Variants in HFM1 observed in about 807,000 individuals in gnomAD.
HFM1 encodes helicase for meiosis 1, also known as probable ATP-dependent DNA helicase HFM1.
Under a neutral mutation model 192.1 loss-of-function variants are expected in HFM1, and 169 were observed. The observed-to-expected ratio is 0.88, with a 90% CI of 0.78 to 1.00. The LOEUF (loss-of-function observed/expected upper bound fraction) is 1.00. HFM1 is among the 50% of genes least tolerant of loss of function. The pLI is 0.00. For synonymous variants in HFM1, 525 were observed against 537.8 expected, an observed-to-expected ratio of 0.98 and a Z score of 0.33; for missense variants, 1,661 against 1,668.0, an observed-to-expected ratio of 1.00 and a Z score of 0.07.
At chr1:91,343,601 T>A (rs1261803363) in intron 19 of HFM1, 91 bp from the exon 20 acceptor site, 8 of 539,250 alleles carry the variant, frequency 1.5e-5, no homozygotes, top group Non-Finnish European at 2.6e-5. Flanking sequence ...AGTTGTGCTA[T>A]TACTGTGTAA....
At chr1:91,312,514 T>A (rs1650618600) in intron 30 of HFM1, among the ~76,000 whole-genome samples, 1 of 152,166 alleles carries the variant, frequency 6.6e-6, no homozygotes, top group Non-Finnish European at 1.5e-5. Flanking sequence ...AGCCCTTTGT[T>A]TTGGCCAATT....
At chr1:91,376,293 T>TCAGGCTC (rs1469433548) in intron 11 of HFM1, among the ~76,000 whole-genome samples, 1 of 152,026 alleles carries the variant, frequency 6.6e-6, no homozygotes, top group Non-Finnish European at 1.5e-5. Context: ...CAGTTAATAA[T>TCAGGCTC]CAGGCTCCAT....
At chr1:91,265,984 G>A in intron 36 of HFM1, 33 bp downstream of exon 36, 3 of 1,584,374 alleles carry the variant, frequency 1.9e-6, no homozygotes, top group Non-Finnish European at 1.7e-6. Context: ...ATATAAAGTT[G>A]CAAATATTAC....
chr1:91,368,545 G>A (rs1659709408), intron 13 of HFM1, among the ~76,000 whole-genome samples: 1 of 152,114 alleles, frequency 6.6e-6, no homozygotes, highest in South Asian at 2.1e-4. Context: ...ACAAGCAAAT[G>A]CTGAGAGATT....
intron 30 of HFM1, among the ~76,000 whole-genome samples, chr1:91,309,886 G>A (rs1045694301): frequency 4.0e-5 from 6 of 151,644 alleles, no homozygotes; most frequent in Non-Finnish European, 7.4e-5. Context: ...CAATGGCAAC[G>A]AGCTCCTCTA....
At chr1:91,318,206 A>G (rs976330350) in intron 25 of HFM1, among the ~76,000 whole-genome samples, 2 of 152,120 alleles carry the variant, frequency 1.3e-5, no homozygotes. Context: ...CCTTACTTTC[A>G]CCAGCCAATC....
In HFM1 at chr1:91,389,324, G is replaced by A. The variant is rs141014814; in HGVS notation, c.495-3490C>T. ...TTACAGGCGCATGCCACCACATCTG[G>A]CTAATTTTCGTATTTTTAGTAGAGA... is the stretch of plus-strand genomic sequence containing the variant. On this transcript the variant is annotated intron_variant, in intron 4 of 38. Coordinates refer to ENST00000370425, the MANE Select transcript of HFM1 (RefSeq NM_001017975.6). 5.7e-4 allele frequency among the ~76,000 whole-genome samples: 86 copies of A among 151,962 alleles called. No homozygotes were observed. The East Asian group carries it at 0.015, about 26-fold the overall frequency.
chr1:91,368,433 G>A (rs1020968595), intron 13 of HFM1, among the ~76,000 whole-genome samples: 2 of 152,068 alleles, frequency 1.3e-5, no homozygotes, highest in African/African-American at 2.4e-5. Context: ...AGAGAGTGGG[G>A]GCAAATATTC....
chr1:91,363,907 C>G (rs1041608655), intron 13 of HFM1, among the ~76,000 whole-genome samples: 1 of 152,036 alleles, frequency 6.6e-6, no homozygotes, highest in African/African-American at 2.4e-5. Flanking sequence ...GAGATGGAAG[C>G]CATTATCCTC....
intron 36 of HFM1, among the ~76,000 whole-genome samples, chr1:91,264,378 T>TTTTTTTTTTTTGTTTTTTTTTTTTTTG: frequency 9.6e-6 from 1 of 103,964 alleles, no homozygotes. Flanking sequence ...TTTTTTTTTT[T>TTTTTTTTTTTTGTTTTTTTTTTTTTTG]TTTTTTTTTT....
At chr1:91,389,886 G>A (rs1473318475) in intron 4 of HFM1, among the ~76,000 whole-genome samples, 8 of 152,120 alleles carry the variant, frequency 5.3e-5, no homozygotes, top group Non-Finnish European at 1.0e-4. Context: ...ATAAAGTGAC[G>A]CAGCCACTTT....
chr1:91,324,709 T>A lies in HFM1; in HGVS notation c.2393A>T (p.Tyr798Phe), dbSNP rs754183196. ...YITFETVKKFYTISGKETLSD... is the reference protein window; with the variant it reads ...YITFETVKKFFTISGKETLSD... The stretch of plus-strand genomic sequence containing the variant: ...TAAGGTTTCTTTTCCACTGATTGTA[T>A]AAAATTTCTTCACTGTCTCAAATGT... Residue 798 changes from tyrosine to phenylalanine, a missense_variant, in exon 21 of 39, where the codon TAT becomes TTT. Physicochemically the swap from Tyr to Phe is conservative, Grantham distance 22. Transcript: ENST00000370425. 1.7e-5 allele frequency: 26 copies of A among 1,557,486 alleles called. No individual in the cohort carries two copies. The highest frequency in any genetic ancestry group is 3.3e-4 in the Middle Eastern group (2 of 5,986).
intron 30 of HFM1, among the ~76,000 whole-genome samples, chr1:91,308,519 A>G (rs1649972098): frequency 6.6e-6 from 1 of 152,048 alleles, no homozygotes; most frequent in Non-Finnish European, 1.5e-5. Context: ...TAAAATATTC[A>G]TAATTATTTT....
At chr1:91,271,750 A>T (rs1027045703) in intron 34 of HFM1, among the ~76,000 whole-genome samples, 1 of 152,144 alleles carries the variant, frequency 6.6e-6, no homozygotes, top group African/African-American at 2.4e-5. Flanking sequence ...CAAAAAGCTG[A>T]AAGAGTTCAT....
chr1:91,288,766 T>A (rs1263318196), intron 30 of HFM1, among the ~76,000 whole-genome samples: 1 of 152,230 alleles, frequency 6.6e-6, no homozygotes, highest in African/African-American at 2.4e-5. Flanking sequence ...GAGTCTCCTA[T>A]GTCTACTTCT....
chr1:91,318,876 T>C (rs1352198622), intron 25 of HFM1, among the ~76,000 whole-genome samples: 1 of 152,216 alleles, frequency 6.6e-6, no homozygotes, highest in Non-Finnish European at 1.5e-5. Context: ...CATGTACTCA[T>C]GTATCATTCA....
rs2101992196 is a variant in HFM1, at chr1:91,378,451, C to T, written c.1188G>A (p.Trp396Ter). 1 of 1,604,534 alleles carries T rather than the reference C, an allele frequency of 6.2e-7. No individual in the cohort carries two copies. Among genetic ancestry groups the T allele is most frequent in the Non-Finnish European group, 8.5e-7 (1 of 1,173,648 alleles). ...PEKWDSMTRK[W>*]RDNSLVQLVR... ...CCAGCTGAACCAAAGAGTTGTCTCTCCATTTCCTAGTCATGCTATCCCATT... is the reference window on the plus strand; with the variant it reads ...CCAGCTGAACCAAAGAGTTGTCTCTTCATTTCCTAGTCATGCTATCCCATT... Residue 396 changes from tryptophan to a stop codon, truncating the protein, a stop_gained, in exon 10 of 39, where the codon TGG becomes TGA. Coordinates refer to ENST00000370425, the MANE Select transcript of HFM1 (RefSeq NM_001017975.6). LOFTEE classifies it high-confidence loss of function.
intron 33 of HFM1, 48 bp downstream of exon 33, chr1:91,274,682 G>T: frequency 1.1e-6 from 1 of 940,758 alleles, no homozygotes; most frequent in Non-Finnish European, 1.7e-6. Flanking sequence ...TGCAGGAACA[G>T]AGTTTACGAT....
intron 13 of HFM1, among the ~76,000 whole-genome samples, chr1:91,359,193 A>G (rs796498684): frequency 4.3e-4 from 66 of 152,334 alleles, no homozygotes; most frequent in African/African-American, 1.5e-3. Context: ...AAAAAGCCAT[A>G]GTGTCTCTTC....
Sources: allele counts gnomAD v4.1 joint callset (sites outside exome capture counted in the v4.1 genomes callset), GRCh38; gene constraint gnomAD v4.1.1; transcripts MANE v1.5; gene names NCBI Gene and HGNC (gene_info 2026-07-23, HGNC 2026-07-21).